The following ST7 variants were observed in gnomAD, a reference collection of about 807,000 sequenced individuals.
ST7 encodes the protein suppressor of tumorigenicity 7 protein.
In ST7, 28 loss-of-function variants were observed where a neutral mutation model predicts 78.7. The observed-to-expected ratio is 0.36, with a 90% confidence interval of 0.26 to 0.49. The LOEUF (loss-of-function observed/expected upper bound fraction) is 0.49. Ranked by LOEUF, ST7 falls within the 20% of genes least tolerant of loss-of-function variation. The probability of loss-of-function intolerance (pLI) is 0.99; values close to 1 mark genes in which losing one functional copy is unlikely to be tolerated. For missense variants in ST7, 418 were observed against 696.0 expected, an observed-to-expected ratio of 0.60 and a Z score of 4.49; for synonymous variants, 247 against 249.6, an observed-to-expected ratio of 0.99 and a Z score of 0.10.
chr7:116,975,382 A>G (rs904889237), intron 1 of ST7, among the ~76,000 whole-genome samples: 5 of 152,100 alleles, frequency 3.3e-5, no homozygotes, highest in African/African-American at 1.2e-4. Context: ...CAGCCAAACC[A>G]TATCAGATAT....
Position 117,219,968 on chromosome 7 carries a change from G to A in ST7, c.1498+792G>A, listed in dbSNP as rs1353971123. Among the ~76,000 whole-genome samples the A allele has an allele frequency of 6.6e-6, 1 of 152,148 alleles. No homozygotes were observed. The highest frequency in any genetic ancestry group is 6.5e-5 in the Admixed American group (1 of 15,282). ...GGCTCTTCATGTGGCCCAGACTTAG[G>A]ATATATTTTTCTCCCTCAGATAATA... is the stretch of plus-strand genomic sequence containing the variant. On this transcript the variant is annotated intron_variant, in intron 14 of 15. Coordinates refer to ENST00000323984, the MANE Select transcript of ST7 (RefSeq NM_001369598.1). The surrounding 1 kb of genome is among the most constrained non-coding windows in gnomAD (Gnocchi z 5.1).
Position 117,002,639 on chromosome 7 carries a change from C to CTGTGTGTGTG in ST7, c.151+48966_151+48975dup, listed in dbSNP as rs140099821. ...AACCTCCTAAGGATTGTAGTTGAGG[C>CTGTGTGTGTG]TGTGTGTGTGTGTGTGTGTGTGTGT... On this transcript the variant is annotated intron_variant, in intron 1 of 15. Coordinates refer to ENST00000323984, the MANE Select transcript of ST7 (RefSeq NM_001369598.1). 1.1e-3 allele frequency among the ~76,000 whole-genome samples: 156 copies of CTGTGTGTGTG among 145,922 alleles called. 2 individuals are homozygous for CTGTGTGTGTG. The highest frequency in any genetic ancestry group is 2.9e-3 in the South Asian group (13 of 4,490).
intron 1 of ST7, among the ~76,000 whole-genome samples, chr7:117,097,792 A>G (rs1021007581): frequency 4.2e-5 from 6 of 142,362 alleles, no homozygotes; most frequent in African/African-American, 1.5e-4. Context: ...CCTTCCACGA[A>G]CAAACTGTTG....
chr7:116,973,300 C>T (rs939938282), intron 1 of ST7, among the ~76,000 whole-genome samples: 2 of 152,280 alleles, frequency 1.3e-5, no homozygotes, highest in South Asian at 4.1e-4. Context: ...TGCTATCACC[C>T]AGGCTGGAGT....
chr7:117,113,870 C>T (rs1410673845), intron 2 of ST7, among the ~76,000 whole-genome samples: 2 of 152,006 alleles, frequency 1.3e-5, no homozygotes, highest in Admixed American at 6.5e-5. Flanking sequence ...GCTGGCTTTT[C>T]CCAATTCTCA....
Position 116,984,318 on chromosome 7 carries a change from A to G in ST7, c.151+30627A>G, listed in dbSNP as rs562089196. On this transcript the variant is annotated intron_variant, in intron 1 of 15. Coordinates refer to ENST00000323984, the MANE Select transcript of ST7 (RefSeq NM_001369598.1). The stretch of plus-strand genomic sequence containing the variant: ...TTTTCTTTATAAATTACCTAGTTTC[A>G]GGTATTCTATTATGAGCAACAGAAA... 2.6e-5 allele frequency among the ~76,000 whole-genome samples: 4 copies of G among 152,334 alleles called. No homozygotes were observed. In the East Asian group the frequency reaches 7.7e-4, roughly 29 times the overall value.
At chr7:117,173,320 G>A (rs1190273106) in intron 10 of ST7, 1 of 152,194 alleles carries the variant, frequency 6.6e-6, no homozygotes, top group African/African-American at 2.4e-5. Flanking sequence ...AACACCGACT[G>A]AATTCTGAAG....
chr7:117,227,097 CAAAT>C (rs896863993), intron 15 of ST7, among the ~76,000 whole-genome samples: 7 of 152,298 alleles, frequency 4.6e-5, no homozygotes, highest in African/African-American at 1.4e-4. Context: ...ACAAAGCAAA[CAAAT>C]AAAGGCCTTT....
intron 1 of ST7, chr7:116,955,066 G>A: frequency 2.1e-6 from 1 of 468,750 alleles, no homozygotes; most frequent in Non-Finnish European, 4.4e-6. Context: ...GCCCTTTTGA[G>A]TCTGTCATCG....
chr7:116,985,355 A>G (rs1794146510), intron 1 of ST7, among the ~76,000 whole-genome samples: 1 of 152,356 alleles, frequency 6.6e-6, no homozygotes, highest in Admixed American at 6.5e-5. Flanking sequence ...TGTTAGAAGT[A>G]TCAAGATAAT....
At chr7:117,185,521 A>G (rs1276024563) in intron 10 of ST7, among the ~76,000 whole-genome samples, 2 of 152,254 alleles carry the variant, frequency 1.3e-5, no homozygotes, top group African/African-American at 4.8e-5. Context: ...TCCTTAGGGC[A>G]TATGTTCCAA....
At chr7:117,111,888 C>G (rs185481005) in intron 2 of ST7, among the ~76,000 whole-genome samples, 10 of 152,144 alleles carry the variant, frequency 6.6e-5, no homozygotes, top group Admixed American at 2.0e-4. Flanking sequence ...GCAGAAAATG[C>G]TCCCCTTAAT....
At chr7:117,112,654 A>C (rs1802528915) in intron 2 of ST7, 1 of 152,176 alleles carries the variant, frequency 6.6e-6, no homozygotes, top group African/African-American at 2.4e-5. Flanking sequence ...GGATCACCCA[A>C]AATAATGGTG....
intron 1 of ST7, chr7:116,959,377 C>T (rs1372352732): frequency 7.6e-6 from 3 of 395,940 alleles, no homozygotes; most frequent in Non-Finnish European, 1.5e-5. Flanking sequence ...ATATGTGGGT[C>T]AGTGTTTGTG....
At chr7:117,151,878 G>C (rs1252242997) in intron 9 of ST7, among the ~76,000 whole-genome samples, 1 of 152,030 alleles carries the variant, frequency 6.6e-6, no homozygotes, top group Non-Finnish European at 1.5e-5. Context: ...TCAGCACTTA[G>C]GGAGGCTGAG....
intron 1 of ST7, among the ~76,000 whole-genome samples, chr7:117,054,289 A>G (rs1797948363): frequency 6.6e-6 from 1 of 152,188 alleles, no homozygotes; most frequent in East Asian, 1.9e-4. Context: ...AGTGAAGTGG[A>G]GGCATTGTTC....
At chr7:117,097,906 ATATTTT>A (rs1242048885) in intron 1 of ST7, among the ~76,000 whole-genome samples, 31 of 30,914 alleles carry the variant, frequency 1.0e-3, no homozygotes, top group African/African-American at 3.7e-3. Context: ...ATATATATAT[ATATTTT>A]TTTTTTTTTT....
At chr7:117,218,941 C>A in intron 13 of ST7, 143 bp from the exon 14 acceptor site, 1 of 623,666 alleles carries the variant, frequency 1.6e-6, no homozygotes, top group Non-Finnish European at 2.8e-6. Flanking sequence ...GACATTTCAT[C>A]TGGCACATAG....
chr7:117,039,277 C>T (rs1429225504), intron 1 of ST7, among the ~76,000 whole-genome samples: 2 of 152,066 alleles, frequency 1.3e-5, no homozygotes, highest in African/African-American at 4.8e-5. Context: ...TACTTCTTTG[C>T]TATATATTTA....
Sources: gnomAD v4.1 joint callset for allele counts (sites outside exome capture counted in the v4.1 genomes callset) on GRCh38, gnomAD v4.1.1 for gene constraint, Gnocchi (gnomAD v3.1) non-coding constraint, MANE v1.5 for transcripts, NCBI Gene and HGNC (gene_info 2026-07-23, HGNC 2026-07-21) for gene names.